Variants in CXCR4 observed in about 807,000 individuals in gnomAD.
CXCR4 encodes the protein C-X-C chemokine receptor type 4.
A neutral mutation model predicts 22.4 loss-of-function variants in CXCR4; 6 were observed. The ratio of observed to expected loss-of-function variants is 0.27; its 90% CI spans 0.15 to 0.53. The LOEUF is 0.53. Among genes scored for constraint, CXCR4 ranks in the 20% least tolerant of loss-of-function variants. CXCR4 has a pLI of 0.96. For synonymous variants in CXCR4, 155 were observed against 171.7 expected (o/e 0.90, Z 0.76); for missense variants, 300 against 430.4 (o/e 0.70, Z 2.68).
In CXCR4 at chr2:136,114,699, A is replaced by C. The variant is rs1684833329; in HGVS notation, c.*170T>G. The stretch of plus-strand genomic sequence containing the variant: ...AGACACACATCAATATGAAACAAAA[A>C]AAATTTATATAAATAAGTCAATTAA... On this transcript the variant is annotated 3_prime_UTR_variant, in exon 2 of 2. Transcript: ENST00000241393. The C allele has an allele frequency of 1.6e-6, 1 of 619,426 alleles. No homozygotes were observed. Among genetic ancestry groups the C allele is most frequent in the East Asian group, 3.1e-5 (1 of 32,704 alleles). The allele number at this position is 619,426 out of a possible 1,614,324, so 38.4% of individuals were successfully genotyped here. A position where few individuals can be genotyped will look rare whatever the true frequency, so the allele number is the denominator to read the frequency against.
At position 136,115,132 on chromosome 2, in the gene CXCR4, G is replaced by A. The variant is rs928470394; in HGVS notation, c.796C>T (p.Leu266Phe). Residue 266 changes from leucine (L) to phenylalanine (F), a missense_variant, in exon 2 of 2, where the codon CTC becomes TTC. Transcript: ENST00000241393. The surrounding 1 kb of genome is among the most constrained non-coding windows in gnomAD (Gnocchi z 6.4). ...CACCCTTGCTTGATGATTTCCAGGA[G>A]GATGAAGGAGTCGATGCTGATCCCA... The part of the protein sequence containing the change: ...YIGISIDSFI[L>F]LEIIKQGCEF... 1.9e-6 allele frequency: 3 copies of A among 1,614,112 alleles called. No individual in the cohort carries two copies. Among genetic ancestry groups the A allele is most frequent in the Non-Finnish European group, 2.5e-6 (3 of 1,180,054 alleles).
At position 136,114,363 on chromosome 2, in the gene CXCR4, A is replaced by C. The variant is rs1408262254; in HGVS notation, c.*506T>G. On this transcript the variant is annotated 3_prime_UTR_variant, in exon 2 of 2. Transcript: ENST00000241393. ...ATAACACTAAGTAAGTTTAACATGTACTTTTATTAACAACTTAATACAAGA... is the reference window on the plus strand; with the variant it reads ...ATAACACTAAGTAAGTTTAACATGTCCTTTTATTAACAACTTAATACAAGA... 8.5e-5 allele frequency: 18 copies of C among 212,786 alleles called. 1 individual carries two copies. Among genetic ancestry groups the C allele is most frequent in the Non-Finnish European group, 1.4e-4 (15 of 104,858 alleles). The allele number at this position is 212,786 out of a possible 1,614,324, so 13.2% of individuals were successfully genotyped here.
intron 1 of CXCR4, among the ~76,000 whole-genome samples, chr2:136,117,287 C>T (rs149832756): frequency 1.8e-4 from 27 of 152,252 alleles, no homozygotes; most frequent in African/African-American, 6.3e-4. Flanking sequence ...CTCTGCACGA[C>T]CCCAAACTCT....
In CXCR4 at chr2:136,115,860, G is replaced by A; in HGVS notation, c.68C>T (p.Ser23Phe). Residue 23 changes from serine to phenylalanine, a missense_variant, in exon 2 of 2, where the codon TCC (serine) becomes TTC (phenylalanine). Transcript: ENST00000241393. The surrounding 1 kb of genome is among the most constrained non-coding windows in gnomAD (Gnocchi z 6.4). Reference protein sequence around the residue: ...TEEMGSGDYDSMKEPCFREEN... With the variant: ...TEEMGSGDYDFMKEPCFREEN... ...TTCACGGAAACAGGGTTCCTTCATGGAGTCATAGTCCCCTGAGCCCATTTC... is the reference window on the plus strand; with the variant it reads ...TTCACGGAAACAGGGTTCCTTCATGAAGTCATAGTCCCCTGAGCCCATTTC... 6.2e-7 allele frequency: 1 copy of A among 1,614,146 alleles called. No individual in the cohort carries two copies. Among genetic ancestry groups the A allele is most frequent in the East Asian group, 2.2e-5 (1 of 44,884 alleles).
At position 136,114,835 on chromosome 2, in the gene CXCR4, T is replaced by A. The variant is rs149514146; in HGVS notation, c.*34A>T. 813 of 1,548,970 alleles carry A rather than the reference T, an allele frequency of 5.2e-4. 4 individuals are homozygous for A. The African/African-American group carries it at 9.5e-3, about 18-fold the overall frequency. Reference sequence around the variant, plus strand: ...AAATGTGTAACTTAAAAAAAAGTTATTTATCGTATAAAAAAAAGTCTTTTA... The same window carrying A: ...AAATGTGTAACTTAAAAAAAAGTTAATTATCGTATAAAAAAAAGTCTTTTA... On this transcript the variant is annotated 3_prime_UTR_variant, in exon 2 of 2. Transcript: ENST00000241393.
intron 1 of CXCR4, 174 bp downstream of exon 1, chr2:136,117,872 C>CA: frequency 2.2e-5 from 3 of 137,488 alleles, no homozygotes; most frequent in South Asian, 4.8e-4. Context: ...ATCCTGCTCC[C>CA]CCCCCACCCA....
rs1393293015 is a variant in CXCR4 at position 136,114,569 on chromosome 2, C to G, written c.*300G>C. 3.4e-6 allele frequency: 1 copy of G among 295,180 alleles called. No individual in the cohort carries two copies. Among genetic ancestry groups the G allele is most frequent in the Non-Finnish European group, 6.4e-6 (1 of 155,434 alleles). 18.3% of individuals were successfully genotyped at this position (295,180 alleles called of 1,614,324 possible). A position where few individuals can be genotyped will look rare whatever the true frequency, so the allele number is the denominator to read the frequency against. On this transcript the variant is annotated 3_prime_UTR_variant, in exon 2 of 2. Coordinates refer to ENST00000241393, the MANE Select transcript of CXCR4 (RefSeq NM_003467.3). ...ATGCATAAACAGCTGGGGATCATTT[C>G]TAGCTTTACGTGATTCACTACACGC...
At chr2:136,116,274 CAA>C (rs1684886653) in intron 1 of CXCR4, 1 of 1,160,484 alleles carries the variant, frequency 8.6e-7, no homozygotes, top group Admixed American at 4.6e-5. Context: ...AAAATACACA[CAA>C]AGAGGCCACT....
Position 136,115,403 on chromosome 2 carries a change from G to A in CXCR4, c.525C>T (p.Ala175=), listed in dbSNP as rs150317568. The change falls in exon 2 of 2, where the codon GCC becomes GCT. Residue 175 remains alanine, a synonymous_variant. Coordinates refer to ENST00000241393, the MANE Select transcript of CXCR4 (RefSeq NM_003467.3). This position sits in a 1 kb window ranked among gnomAD's most constrained non-coding sequence, Gnocchi z 6.4. The part of the protein sequence containing the change: ...LLLTIPDFIF[A]NVSEADDRYI... ...ATCTGTCATCTGCCTCACTGACGTTGGCAAAGATGAAGTCGGGAATAGTCA... is the reference window on the plus strand; with the variant it reads ...ATCTGTCATCTGCCTCACTGACGTTAGCAAAGATGAAGTCGGGAATAGTCA... 5 of 1,614,068 alleles carry A rather than the reference G, an allele frequency of 3.1e-6. No homozygotes were observed. The highest frequency in any genetic ancestry group is 4.2e-6 in the Non-Finnish European group (5 of 1,180,038).
intron 1 of CXCR4, chr2:136,117,667 C>T (rs2104921504): frequency 1.5e-5 from 3 of 202,370 alleles, no homozygotes; most frequent in South Asian, 8.1e-5. Context: ...ATCCCCGCTT[C>T]CCCAAGGAAG....
intron 1 of CXCR4, among the ~76,000 whole-genome samples, chr2:136,116,891 C>T (rs951094972): frequency 1.4e-4 from 21 of 152,220 alleles, no homozygotes; most frequent in Admixed American, 1.4e-3. Context: ...ACTACACCCA[C>T]GCCAACCGCC....
chr2:136,115,061 G>A lies in CXCR4; in HGVS notation c.867C>T (p.Ala289=). 6.2e-7 allele frequency: 1 copy of A among 1,614,174 alleles called. No homozygotes were observed. Among genetic ancestry groups the A allele is most frequent in the Non-Finnish European group, 8.5e-7 (1 of 1,180,044 alleles). Reference sequence around the variant, plus strand: ...TCAGACAACAGTGGAAGAAAGCTAGGGCCTCGGTGATGGAAATCCACTTGT... The same window carrying A: ...TCAGACAACAGTGGAAGAAAGCTAGAGCCTCGGTGATGGAAATCCACTTGT... The part of the protein sequence containing the change: ...TVHKWISITE[A]LAFFHCCLNP... Residue 289 remains alanine, a synonymous_variant, in exon 2 of 2, where the codon GCC becomes GCT. Transcript: ENST00000241393. The surrounding 1 kb of genome is among the most constrained non-coding windows in gnomAD (Gnocchi z 6.4).
chr2:136,114,576 T>C lies in CXCR4; in HGVS notation c.*293A>G. 1 of 305,016 alleles carries C rather than the reference T, an allele frequency of 3.3e-6. No homozygotes were observed. The highest frequency in any genetic ancestry group is 6.2e-6 in the Non-Finnish European group (1 of 161,594). 18.9% of individuals were successfully genotyped at this position (305,016 alleles called of 1,614,324 possible). On this transcript the variant is annotated 3_prime_UTR_variant, in exon 2 of 2. Coordinates refer to ENST00000241393, the MANE Select transcript of CXCR4 (RefSeq NM_003467.3). ...AACAGCTGGGGATCATTTCTAGCTT[T>C]ACGTGATTCACTACACGCTCTGGAA...
At chr2:136,117,263 A>G (rs1207883559) in intron 1 of CXCR4, among the ~76,000 whole-genome samples, 1 of 151,928 alleles carries the variant, frequency 6.6e-6, no homozygotes, top group Non-Finnish European at 1.5e-5. Flanking sequence ...GGGAGGTCAA[A>G]CCACTCCGCT....
Position 136,115,253 on chromosome 2 carries a change from C to T in CXCR4, c.675G>A (p.Lys225=). 1 of 1,614,020 alleles carries T rather than the reference C, an allele frequency of 6.2e-7. No homozygotes were observed. Among genetic ancestry groups the T allele is most frequent in the East Asian group, 2.2e-5 (1 of 44,882 alleles). Residue 225 remains lysine, a synonymous_variant, in exon 2 of 2, where the codon AAG becomes AAA. Coordinates refer to ENST00000241393, the MANE Select transcript of CXCR4 (RefSeq NM_003467.3). The surrounding 1 kb of genome is among the most constrained non-coding windows in gnomAD (Gnocchi z 6.4). ...ILSCYCIIIS[K]LSHSKGHQKR... ...TCTGGTGGCCCTTGGAGTGTGACAG[C>T]TTGGAGATGATAATGCAATAGCAGG...
chr2:136,117,354 AG>A (rs1558838000), intron 1 of CXCR4, among the ~76,000 whole-genome samples: 2 of 526 alleles, frequency 3.8e-3, no homozygotes, highest in African/African-American at 0.011. Context: ...GACGGCGGGA[AG>A]GTTTTCCCCC....
chr2:136,115,922 A>T lies in CXCR4; in HGVS notation c.16-10T>A. 6.2e-7 allele frequency: 1 copy of T among 1,614,224 alleles called. No homozygotes were observed. Among genetic ancestry groups the T allele is most frequent in the Non-Finnish European group, 8.5e-7 (1 of 1,180,030 alleles). Reference sequence around the variant, plus strand: ...TATCTGAAGTGTATATCTGCAAAAGAGGCAAAGGAATGGACATTCACTTCC... The same window carrying T: ...TATCTGAAGTGTATATCTGCAAAAGTGGCAAAGGAATGGACATTCACTTCC... On this transcript the variant is annotated splice_polypyrimidine_tract_variant and intron_variant, in intron 1 of 1. Coordinates refer to ENST00000241393, the MANE Select transcript of CXCR4 (RefSeq NM_003467.3). The surrounding 1 kb of genome is among the most constrained non-coding windows in gnomAD (Gnocchi z 6.4).
rs535778934 is a variant in CXCR4, at chr2:136,115,067, G to A, written c.861C>T (p.Thr287=). 4.6e-5 allele frequency: 75 copies of A among 1,614,152 alleles called. No homozygotes were observed. In the Admixed American group the frequency reaches 5.0e-4, roughly 11 times the overall value. Residue 287 remains threonine (T), a synonymous_variant, in exon 2 of 2, where the codon ACC becomes ACT. Transcript: ENST00000241393. The surrounding 1 kb of genome is among the most constrained non-coding windows in gnomAD (Gnocchi z 6.4). ...AACAGTGGAAGAAAGCTAGGGCCTC[G>A]GTGATGGAAATCCACTTGTGCACAG... is the stretch of plus-strand genomic sequence containing the variant. ...ENTVHKWISI[T]EALAFFHCCL...
chr2:136,116,109 T>G (rs868404947), intron 1 of CXCR4, 197 bp from the exon 2 acceptor site: 10 of 1,486,716 alleles, frequency 6.7e-6, no homozygotes, highest in Non-Finnish European at 8.9e-6. Flanking sequence ...CCATAGTGAC[T>G]TCATTATATC....
Sources: gnomAD v4.1 joint callset for allele counts (sites outside exome capture counted in the v4.1 genomes callset) on GRCh38, gnomAD v4.1.1 for gene constraint, Gnocchi (gnomAD v3.1) non-coding constraint, MANE v1.5 for transcripts, NCBI Gene and HGNC (gene_info 2026-07-23, HGNC 2026-07-21) for gene names.